The following YIPF7 variants were observed in gnomAD, a reference collection of about 807,000 sequenced individuals.
YIPF7 encodes protein YIPF7.
Under a neutral mutation model 27.2 loss-of-function variants are expected in YIPF7, and 35 were observed. The observed-to-expected ratio is 1.29, with a 90% CI of 0.98 to 1.70. The LOEUF is 1.70. YIPF7 is among the 40% of genes most tolerant of loss of function. YIPF7 has a pLI of 0.00. For synonymous variants in YIPF7, 137 were observed against 110.4 expected (o/e 1.24, Z -1.51); for missense variants, 358 against 303.7 (o/e 1.18, Z -1.33).
intron 2 of YIPF7, among the ~76,000 whole-genome samples, chr4:44,646,520 T>A (rs530391122): frequency 6.6e-6 from 1 of 152,200 alleles, no homozygotes; most frequent in Non-Finnish European, 1.5e-5. Context: ...ATTTCTTTTT[T>A]CCACATAATA....
At chr4:44,625,465 T>C (rs1401293652) in intron 4 of YIPF7, among the ~76,000 whole-genome samples, 1 of 152,220 alleles carries the variant, frequency 6.6e-6, no homozygotes, top group Non-Finnish European at 1.5e-5. Flanking sequence ...ATGGCACATA[T>C]TTAACCCTAT....
Position 44,622,296 on chromosome 4 carries a change from C to G in YIPF7, c.*118G>C, listed in dbSNP as rs1712468541. ...CCTTAAGTGCTGCTTTGTCTCTCTG[C>G]TTATTACTCTCTCAAAAGCAATAAA... On this transcript the variant is annotated 3_prime_UTR_variant, in exon 6 of 6. Transcript: ENST00000415895. 3.2e-6 allele frequency: 4 copies of G among 1,267,350 alleles called. No homozygotes were observed. The East Asian group carries it at 1.0e-4, about 32-fold the overall frequency. 78.5% of individuals were successfully genotyped at this position (1,267,350 alleles called of 1,614,324 possible).
intron 2 of YIPF7, among the ~76,000 whole-genome samples, chr4:44,643,716 C>A (rs1015298092): frequency 2.6e-5 from 4 of 152,154 alleles, no homozygotes; most frequent in Non-Finnish European, 4.4e-5. Flanking sequence ...ATTCTGGCCA[C>A]TCCAGCTCCA....
At chr4:44,656,298 G>T (rs967744896), upstream of YIPF7, among the ~76,000 whole-genome samples, 1 of 151,820 alleles carries the variant, frequency 6.6e-6, no homozygotes, top group Non-Finnish European at 1.5e-5. Context: ...TCTTTCCCAG[G>T]AATTATATAC....
At chr4:44,651,456 A>C (rs761953261) in intron 1 of YIPF7, 98 bp downstream of exon 1, 5 of 650,296 alleles carry the variant, frequency 7.7e-6, no homozygotes, top group Non-Finnish European at 1.2e-5. Context: ...TAACATGCAA[A>C]GCTTTATGTA....
intron 2 of YIPF7, among the ~76,000 whole-genome samples, chr4:44,649,082 A>G (rs1040021632): frequency 6.6e-6 from 1 of 152,154 alleles, no homozygotes; most frequent in South Asian, 2.1e-4. Flanking sequence ...TGAGAGAAAA[A>G]ACTATGAATT....
upstream of YIPF7, among the ~76,000 whole-genome samples, chr4:44,654,882 A>G (rs144751967): frequency 3.9e-3 from 595 of 152,184 alleles, no homozygotes; most frequent in Non-Finnish European, 6.2e-3. Context: ...TATTTTAAAA[A>G]GTGAAATATC....
In YIPF7 at chr4:44,622,575, C is replaced by T; in HGVS notation, c.610G>A (p.Gly204Ser). The T allele has an allele frequency of 6.2e-7, 1 of 1,612,374 alleles. No homozygotes were observed. The highest frequency in any genetic ancestry group is 1.3e-5 in the African/African-American group (1 of 74,918). Residue 204 changes from glycine (G) to serine (S), a missense_variant and splice_region_variant, in exon 6 of 6, where the codon GGC becomes AGC. Coordinates refer to ENST00000415895, the MANE Select transcript of YIPF7 (RefSeq NM_182592.3). ...AGGGATGACATGATTCCAAAGATGCCCCTGCAGCAAAGACAAAGAAATGAT... is the reference window on the plus strand; with the variant it reads ...AGGGATGACATGATTCCAAAGATGCTCCTGCAGCAAAGACAAAGAAATGAT... ...SGCAMFFSLQ[G>S]IFGIMSSLVI...
At chr4:44,661,488 C>T (rs186339047) in intron 1 of YIPF7, among the ~76,000 whole-genome samples, 1 of 152,182 alleles carries the variant, frequency 6.6e-6, no homozygotes, top group Non-Finnish European at 1.5e-5. Context: ...ATTGACTGAG[C>T]ATCTCTGTTC....
chr4:44,641,738 G>A (rs1026434865), intron 2 of YIPF7, among the ~76,000 whole-genome samples: 14 of 152,244 alleles, frequency 9.2e-5, no homozygotes, highest in East Asian at 1.9e-4. Flanking sequence ...AGATATAGAG[G>A]GGGGAGATAT....
At chr4:44,633,007 C>T (rs547478306) in intron 3 of YIPF7, among the ~76,000 whole-genome samples, 20 of 152,196 alleles carry the variant, frequency 1.3e-4, no homozygotes, top group Non-Finnish European at 2.1e-4. Context: ...ACCTTAGCTC[C>T]GCCTCCTGCC....
Position 44,660,007 on chromosome 4 carries a change from G to A in YIPF7, c.-2+442C>T, listed in dbSNP as rs1046244126. ...CGGCTGCCTGTAGTCCCAGCTACTC[G>A]GGAGGCTGAGACAGGAGAATGGCGT... On this transcript the variant is annotated intron_variant, in intron 2 of 2. Transcript: ENST00000508947. 9.3e-5 allele frequency among the ~76,000 whole-genome samples: 14 copies of A among 150,416 alleles called. 1 individual carries two copies. Among genetic ancestry groups the A allele is most frequent in the Non-Finnish European group, 7.4e-5 (5 of 67,706 alleles).
Position 44,636,010 on chromosome 4 carries a change from T to A in YIPF7, c.192A>T (p.Gly64=). The change falls in exon 3 of 6, where the codon GGA becomes GGT. Residue 64 remains glycine, a synonymous_variant. Coordinates refer to ENST00000415895, the MANE Select transcript of YIPF7 (RefSeq NM_182592.3). The part of the protein sequence containing the change: ...SEMLMSSGYA[G]QFFQPASNSD... ...AGTTGGATGCTGGCTGAAAAAATTG[T>A]CCTGCGTAACCCGATGACATGAGCA... The A allele has an allele frequency of 6.2e-7, 1 of 1,613,908 alleles. No individual in the cohort carries two copies. The highest frequency in any genetic ancestry group is 1.3e-5 in the African/African-American group (1 of 75,030).
chr4:44,658,496 C>A (rs1713959805), intron 2 of YIPF7, among the ~76,000 whole-genome samples: 2 of 152,190 alleles, frequency 1.3e-5, no homozygotes, highest in Admixed American at 6.5e-5. Flanking sequence ...GAACTATAGT[C>A]TCCCCACTAC....
chr4:44,632,558 GACA>G (rs1282023789), intron 3 of YIPF7, among the ~76,000 whole-genome samples: 4 of 152,044 alleles, frequency 2.6e-5, no homozygotes, highest in African/African-American at 7.2e-5. Context: ...AAATATTTTA[GACA>G]ACAAAATATT....
At chr4:44,631,960 A>T (rs1379590174) in intron 3 of YIPF7, among the ~76,000 whole-genome samples, 3 of 152,178 alleles carry the variant, frequency 2.0e-5, no homozygotes, top group Non-Finnish European at 4.4e-5. Context: ...AAATATAATT[A>T]GTTTGGAAGA....
Position 44,629,406 on chromosome 4 carries a change from A to G in YIPF7, c.423T>C (p.Leu141=), listed in dbSNP as rs756444225. The G allele has an allele frequency of 2.0e-5, 31 of 1,588,510 alleles. No individual in the cohort carries two copies. The highest frequency in any genetic ancestry group is 2.5e-5 in the Non-Finnish European group (29 of 1,168,768). ...LFCVALGATL[L]LAGKVQFGYV... is the part of the protein sequence containing the mutation. ...GGTGCTTCCTGTGACACATTACCAG[A>G]AGCAAGGTGGCTCCCAGGGCTACGC... The change falls in exon 4 of 6, where the codon CTT becomes CTC. Residue 141 remains leucine (L), a synonymous_variant. Transcript: ENST00000415895.
rs763233871 is a variant in YIPF7 at position 44,624,744 on chromosome 4, A to G, written c.465T>C (p.Ser155=). ...CATGAATCACAAGGCAGCCAATGGC[A>G]CTCATGCCATACACATAACCAAACT... is the stretch of plus-strand genomic sequence containing the variant. ...KVQFGYVYGM[S]AIGCLVIHAL... is the part of the protein sequence containing the mutation. The change falls in exon 5 of 6, where the codon AGT becomes AGC. Residue 155 remains serine (S), a synonymous_variant. Transcript: ENST00000415895. 6.2e-7 allele frequency: 1 copy of G among 1,611,984 alleles called. No individual in the cohort carries two copies. The highest frequency in any genetic ancestry group is 8.5e-7 in the Non-Finnish European group (1 of 1,179,104).
intron 2 of YIPF7, among the ~76,000 whole-genome samples, chr4:44,645,206 A>G (rs989905669): frequency 1.3e-5 from 2 of 152,204 alleles, no homozygotes; most frequent in African/African-American, 2.4e-5. Context: ...TTTTCTAAAA[A>G]TTTATATGAA....
Sources: allele counts gnomAD v4.1 joint callset (sites outside exome capture counted in the v4.1 genomes callset), GRCh38; gene constraint gnomAD v4.1.1; transcripts MANE v1.5; gene names NCBI Gene and HGNC (gene_info 2026-07-23, HGNC 2026-07-21).